PAPPA: variants seen among roughly 807,000 people sequenced by gnomAD.
PAPPA encodes the protein pappalysin-1.
In PAPPA, 60 loss-of-function variants were observed where a neutral mutation model predicts 164.0. That is an observed-to-expected ratio of 0.37 (90% CI 0.30 to 0.45). The LOEUF is 0.45. Among genes scored for constraint, PAPPA ranks in the 20% least tolerant of loss-of-function variants. PAPPA has a pLI of 1.00. For missense variants in PAPPA, 1,782 were observed against 2,087.3 expected, an observed-to-expected ratio of 0.85 and a Z score of 2.85; for synonymous variants, 875 against 814.1, an observed-to-expected ratio of 1.07 and a Z score of -1.27.
At chr9:116,262,650 C>T (rs16933356) in intron 7 of PAPPA, among the ~76,000 whole-genome samples, 30,246 of 152,040 alleles carry the variant, frequency 0.2, 3,103 homozygotes, top group Middle Eastern at 0.27. Context: ...CTCAGGAGAG[C>T]TGAAGAAAGG....
intron 10 of PAPPA, chr9:116,316,630 C>CT (rs1491102299): frequency 3.3e-5 from 5 of 152,350 alleles, no homozygotes; most frequent in African/African-American, 1.2e-4. Context: ...ATCACAGTCA[C>CT]TGTTTCTACC....
chr9:116,360,406 G>A (rs1846409865), intron 17 of PAPPA, among the ~76,000 whole-genome samples: 1 of 152,186 alleles, frequency 6.6e-6, no homozygotes, highest in Non-Finnish European at 1.5e-5. Flanking sequence ...AGGCCAGAGA[G>A]GTTTCCATTG....
At chr9:116,189,501 T>C (rs1844017213) in intron 2 of PAPPA, among the ~76,000 whole-genome samples, 1 of 152,136 alleles carries the variant, frequency 6.6e-6, no homozygotes, top group Admixed American at 6.6e-5. Flanking sequence ...TCTCATCTAC[T>C]GCTAAAAAGA....
intron 3 of PAPPA, among the ~76,000 whole-genome samples, chr9:116,208,530 T>C (rs1844266108): frequency 6.6e-6 from 1 of 152,234 alleles, no homozygotes; most frequent in Non-Finnish European, 1.5e-5. Flanking sequence ...GGCACTGCCA[T>C]TTATTTAATC....
At chr9:116,341,433 G>C (rs1846135966) in intron 13 of PAPPA, among the ~76,000 whole-genome samples, 1 of 152,138 alleles carries the variant, frequency 6.6e-6, no homozygotes. Flanking sequence ...CCCTCTGCCT[G>C]ATTATACCTC....
chr9:116,361,796 A>G (rs547111736), intron 17 of PAPPA, among the ~76,000 whole-genome samples: 1 of 152,314 alleles, frequency 6.6e-6, no homozygotes, highest in South Asian at 2.1e-4. Context: ...TGCACCCCAC[A>G]GAGCTGGGCA....
rs1846220649 is a variant in PAPPA, at chr9:116,347,102, G to A, written c.3857G>A (p.Ser1286Asn). 6.2e-7 allele frequency: 1 copy of A among 1,614,192 alleles called. No individual in the cohort carries two copies. The highest frequency in any genetic ancestry group is 2.2e-5 in the East Asian group (1 of 44,882). ...GTGGCCTGTGAGCCAGTCGACTGCA[G>A]CATCCCAGATCACCATCAAGTCTAT... ...KQVACEPVDC[S>N]IPDHHQVYAA... The change falls in exon 15 of 22, where the codon AGC becomes AAC. Residue 1286 changes from serine to asparagine, a missense_variant. Coordinates refer to ENST00000328252, the MANE Select transcript of PAPPA (RefSeq NM_002581.5). The surrounding 1 kb of genome is among the most constrained non-coding windows in gnomAD (Gnocchi z 4.5).
chr9:116,325,494 G>A (rs1321778572), intron 10 of PAPPA, among the ~76,000 whole-genome samples: 1 of 152,156 alleles, frequency 6.6e-6, no homozygotes, highest in Non-Finnish European at 1.5e-5. Context: ...ACTGTCCATG[G>A]ACGGTATTTG....
chr9:116,381,109 T>C (rs1846724902), intron 20 of PAPPA, among the ~76,000 whole-genome samples: 1 of 152,158 alleles, frequency 6.6e-6, no homozygotes, highest in Non-Finnish European at 1.5e-5. Flanking sequence ...GAGGGGTAGG[T>C]TCACTGTTTT....
intron 16 of PAPPA, among the ~76,000 whole-genome samples, chr9:116,353,125 A>G (rs1237114832): frequency 1.3e-5 from 2 of 152,208 alleles, no homozygotes; most frequent in African/African-American, 4.8e-5. Flanking sequence ...TGGCTGCCTA[A>G]TGGCAATGTG....
chr9:116,208,286 A>G (rs1180563861), intron 3 of PAPPA, among the ~76,000 whole-genome samples: 3 of 152,194 alleles, frequency 2.0e-5, no homozygotes, highest in Non-Finnish European at 4.4e-5. Context: ...CTATATGTAA[A>G]CATGCATTTT....
At chr9:116,184,702 C>A (rs1380967126) in intron 1 of PAPPA, among the ~76,000 whole-genome samples, 1 of 152,190 alleles carries the variant, frequency 6.6e-6, no homozygotes, top group Non-Finnish European at 1.5e-5. Context: ...AAGTAAATTA[C>A]CCTGAGTGCA....
chr9:116,381,522 C>G (rs1846731491), intron 20 of PAPPA, among the ~76,000 whole-genome samples: 1 of 152,200 alleles, frequency 6.6e-6, no homozygotes, highest in African/African-American at 2.4e-5. Flanking sequence ...GGACTTTCCC[C>G]TAATAAGGCT....
intron 13 of PAPPA, among the ~76,000 whole-genome samples, chr9:116,341,941 CT>C (rs1846143592): frequency 6.6e-6 from 1 of 152,218 alleles, no homozygotes; most frequent in African/African-American, 2.4e-5. Flanking sequence ...ATTGGTAAAC[CT>C]TGTGCTCCTT....
chr9:116,309,950 CT>C (rs1189858249), intron 10 of PAPPA, among the ~76,000 whole-genome samples: 1 of 152,192 alleles, frequency 6.6e-6, no homozygotes, highest in Non-Finnish European at 1.5e-5. Context: ...TAATATTCCT[CT>C]CTCAAAATGA....
chr9:116,300,279 TG>T (rs1845563852), intron 9 of PAPPA, among the ~76,000 whole-genome samples: 1 of 152,082 alleles, frequency 6.6e-6, no homozygotes, highest in African/African-American at 2.4e-5. Context: ...TGTTTTGTTT[TG>T]TTTTTTTGTT....
At chr9:116,370,817 G>A (rs1017904902) in intron 19 of PAPPA, among the ~76,000 whole-genome samples, 1 of 152,250 alleles carries the variant, frequency 6.6e-6, no homozygotes, top group Non-Finnish European at 1.5e-5. Flanking sequence ...CACCAGGACA[G>A]TGAGCTTTGT....
intron 9 of PAPPA, among the ~76,000 whole-genome samples, chr9:116,295,484 G>A (rs531437624): frequency 6.9e-6 from 1 of 145,432 alleles, no homozygotes; most frequent in African/African-American, 2.5e-5. Flanking sequence ...AACCCAAGAG[G>A]AAGAGGTTGC....
intron 1 of PAPPA, among the ~76,000 whole-genome samples, chr9:116,172,986 GAT>G (rs1286506094): frequency 1.3e-5 from 2 of 152,162 alleles, no homozygotes; most frequent in African/African-American, 4.8e-5. Context: ...GAGTTTATGA[GAT>G]AGACTCTCAG....
Sources: allele counts gnomAD v4.1 joint callset (sites outside exome capture counted in the v4.1 genomes callset), GRCh38; gene constraint gnomAD v4.1.1; non-coding constraint Gnocchi (gnomAD v3.1); transcripts MANE v1.5; gene names NCBI Gene and HGNC (gene_info 2026-07-23, HGNC 2026-07-21).